The following CAND2 variants were observed in gnomAD, a reference collection of about 807,000 sequenced individuals.
CAND2 encodes the protein cullin associated and neddylation dissociated 2 (putative).
Under a neutral mutation model 98.9 loss-of-function variants are expected in CAND2, and 62 were observed. The observed-to-expected ratio is 0.63, with a 90% confidence interval of 0.51 to 0.77. The LOEUF is 0.77. Among genes scored for constraint, CAND2 ranks in the 30% least tolerant of loss-of-function variants. CAND2 has a pLI of 0.00. For missense variants in CAND2, 1,501 were observed against 1,655.2 expected (o/e 0.91, Z 1.62); for synonymous variants, 770 against 731.9 (o/e 1.05, Z -0.84).
intron 12 of CAND2, among the ~76,000 whole-genome samples, chr3:12,825,936 C>T (rs966395662): frequency 2.0e-5 from 3 of 152,212 alleles, no homozygotes; most frequent in Non-Finnish European, 2.9e-5. Context: ...ACACAGCCAG[C>T]GCTCAGTAAA....
chr3:12,804,773 C>T (rs1467013127), intron 2 of CAND2, among the ~76,000 whole-genome samples: 1 of 152,164 alleles, frequency 6.6e-6, no homozygotes, highest in Non-Finnish European at 1.5e-5. Flanking sequence ...GAATTGGGCA[C>T]TGTCTCTCAA....
chr3:12,810,507 G>A (rs2061843993), intron 5 of CAND2, among the ~76,000 whole-genome samples, 183 bp downstream of exon 5: 1 of 152,154 alleles, frequency 6.6e-6, no homozygotes, highest in African/African-American at 2.4e-5. Flanking sequence ...CCTGGGGCGG[G>A]CGGCTGAAGC....
intron 4 of CAND2, among the ~76,000 whole-genome samples, chr3:12,809,231 G>A (rs573684682): frequency 2.4e-4 from 36 of 152,150 alleles, no homozygotes; most frequent in Non-Finnish European, 3.4e-4. Flanking sequence ...CAGCAGGTGT[G>A]TGGGGAGGAA....
Position 12,815,080 on chromosome 3 carries a change from C to T in CAND2, c.1007-61C>T, listed in dbSNP as rs907080744. Reference sequence around the variant, plus strand: ...TCTCTCTCCTCCCTGTCCCTTCTCCCCCGAGCCACAGACCTGTCCTGGGAG... The same window carrying T: ...TCTCTCTCCTCCCTGTCCCTTCTCCTCCGAGCCACAGACCTGTCCTGGGAG... On this transcript the variant is annotated intron_variant, in intron 7 of 14. Transcript: ENST00000456430. The surrounding 1 kb of genome is among the most constrained non-coding windows in gnomAD (Gnocchi z 5.7). 34 of 1,534,984 alleles carry T rather than the reference C, an allele frequency of 2.2e-5. 1 individual carries two copies. The South Asian group carries it at 3.0e-4, about 13-fold the overall frequency.
intron 5 of CAND2, among the ~76,000 whole-genome samples, chr3:12,811,051 C>G (rs1346302908): frequency 6.6e-6 from 1 of 151,672 alleles, no homozygotes; most frequent in Non-Finnish European, 1.5e-5. Context: ...TTGGATAGAA[C>G]TGGCATATGG....
At chr3:12,808,581 TGTTGGGAACATGGG>T (rs545088558) in intron 4 of CAND2, among the ~76,000 whole-genome samples, 4 of 152,320 alleles carry the variant, frequency 2.6e-5, no homozygotes, top group African/African-American at 7.2e-5. Context: ...GCTGGCCTAG[TGTTGGGAACATGGG>T]GTTAGATCAG....
rs1200388302 is a variant in CAND2, at chr3:12,813,496, C to T, written c.1006+108C>T. The T allele has an allele frequency of 3.5e-6, 4 of 1,131,538 alleles. No individual in the cohort carries two copies. In the African/African-American group the frequency reaches 6.2e-5, roughly 18 times the overall value. 70.1% of individuals were successfully genotyped at this position (1,131,538 alleles called of 1,614,324 possible). Reference sequence around the variant, plus strand: ...ACATTTGGTGCCCCTGTCCTGATGCCAGCTCTTTCTCAAGCTCCAGTCCCA... The same window carrying T: ...ACATTTGGTGCCCCTGTCCTGATGCTAGCTCTTTCTCAAGCTCCAGTCCCA... On this transcript the variant is annotated intron_variant, in intron 7 of 14. Transcript: ENST00000456430.
At chr3:12,827,697 C>G in intron 13 of CAND2, 93 bp downstream of exon 13, 12 of 1,179,490 alleles carry the variant, frequency 1.0e-5, no homozygotes, top group Non-Finnish European at 1.4e-5. Context: ...TTGCTCCCTA[C>G]TCCAGGCACC....
At position 12,816,598 on chromosome 3, in the gene CAND2, C is replaced by T. The variant is rs2061904960; in HGVS notation, c.1666C>T (p.His556Tyr). Residue 556 changes from histidine (H) to tyrosine (Y), a missense_variant, in exon 10 of 15, where the codon CAC becomes TAC. His to Tyr is a moderately conservative substitution (Grantham distance 83). Transcript: ENST00000456430. ...QELVRALWPL[H>Y]RPRMLDPEPY... is the part of the protein sequence containing the mutation. ...GCTGGTGCGGGCCCTGTGGCCGCTG[C>T]ACAGGCCTCGGATGCTGGATCCTGA... The T allele has an allele frequency of 6.2e-7, 1 of 1,613,802 alleles. No homozygotes were observed. Among genetic ancestry groups the T allele is most frequent in the Non-Finnish European group, 8.5e-7 (1 of 1,180,040 alleles).
chr3:12,808,823 G>C (rs1284843547), intron 4 of CAND2, among the ~76,000 whole-genome samples: 4 of 152,160 alleles, frequency 2.6e-5, no homozygotes, highest in African/African-American at 4.8e-5. Flanking sequence ...GATGCTGGAG[G>C]GGAGACTGTC....
chr3:12,829,651 T>C (rs1253127456), intron 13 of CAND2, among the ~76,000 whole-genome samples: 1 of 152,208 alleles, frequency 6.6e-6, no homozygotes, highest in Non-Finnish European at 1.5e-5. Flanking sequence ...CTTGGGATGA[T>C]GCACATAGAC....
chr3:12,826,522 G>T (rs983797452), intron 12 of CAND2, among the ~76,000 whole-genome samples: 4 of 151,992 alleles, frequency 2.6e-5, no homozygotes, highest in Non-Finnish European at 4.4e-5. Flanking sequence ...CGACCTCCTG[G>T]GCTCAAGCGA....
chr3:12,799,524 G>T (rs1442754330), intron 1 of CAND2, among the ~76,000 whole-genome samples: 1 of 152,114 alleles, frequency 6.6e-6, no homozygotes, highest in Admixed American at 6.5e-5. Context: ...TGTCTGAAAT[G>T]CTGAGGCATA....
chr3:12,817,597 G>A lies in CAND2; in HGVS notation c.2665G>A (p.Gly889Ser). 1 of 1,613,858 alleles carries A rather than the reference G, an allele frequency of 6.2e-7. No homozygotes were observed. Among genetic ancestry groups the A allele is most frequent in the East Asian group, 2.2e-5 (1 of 44,882 alleles). Residue 889 changes from glycine (G) to serine (S), a missense_variant, in exon 10 of 15, where the codon GGT (glycine) becomes AGT (serine). By Grantham distance (56) the Gly-to-Ser change is moderately conservative. Coordinates refer to ENST00000456430, the MANE Select transcript of CAND2 (RefSeq NM_001162499.2). Reference protein sequence around the residue: ...AAASYALGRVGAGSLPDFLPF... With the variant: ...AAASYALGRVSAGSLPDFLPF... ...AGCCTCGTATGCACTGGGCCGTGTG[G>A]GTGCTGGCAGCCTGCCCGACTTCCT...
Position 12,813,885 on chromosome 3 carries a change from T to A in CAND2, c.1006+497T>A, listed in dbSNP as rs563432335. Among the ~76,000 whole-genome samples, 9 of 152,290 alleles carry A rather than the reference T, an allele frequency of 5.9e-5. No individual in the cohort carries two copies. In the South Asian group the frequency reaches 1.9e-3, roughly 32 times the overall value. The stretch of plus-strand genomic sequence containing the variant: ...ATGGGGGTGGACTTGATAGCTTCTT[T>A]CCTCCTATGCCTGTGGTCCTGTCTG... On this transcript the variant is annotated intron_variant, in intron 7 of 14. Transcript: ENST00000456430.
chr3:12,817,902 A>G, intron 10 of CAND2, 26 bp downstream of exon 10: 2 of 1,484,192 alleles, frequency 1.3e-6, no homozygotes, highest in Non-Finnish European at 1.8e-6. Flanking sequence ...TGGGCAAGGC[A>G]GCCCACCTCG....
chr3:12,828,521 T>C (rs1480823506), intron 13 of CAND2, among the ~76,000 whole-genome samples: 2 of 152,058 alleles, frequency 1.3e-5, no homozygotes, highest in East Asian at 3.8e-4. Flanking sequence ...TTTGTATTTT[T>C]AGTAGAGACG....
At chr3:12,820,390 A>G (rs2061947627) in intron 11 of CAND2, among the ~76,000 whole-genome samples, 2 of 152,218 alleles carry the variant, frequency 1.3e-5, no homozygotes, top group Non-Finnish European at 2.9e-5. Context: ...TGGGTGTGGC[A>G]TGCCCATCAC....
chr3:12,810,087 G>A lies in CAND2; in HGVS notation c.520G>A (p.Ala174Thr). 6.9e-7 allele frequency: 1 copy of A among 1,449,158 alleles called. No individual in the cohort carries two copies. Among genetic ancestry groups the A allele is most frequent in the Non-Finnish European group, 9.1e-7 (1 of 1,101,298 alleles). 89.8% of individuals were successfully genotyped at this position (1,449,158 alleles called of 1,614,324 possible). Residue 174 changes from alanine (A) to threonine (T), a missense_variant, in exon 5 of 15, where the codon GCC (alanine) becomes ACC (threonine). Physicochemically the swap from Ala to Thr is moderately conservative, Grantham distance 58 (BLOSUM62 0). Around this residue, in one of 3 missense-constraint regions of CAND2, gnomAD observed 1,427 missense variants for 1,545.3 expected, o/e 0.92. Transcript: ENST00000456430. ...GGGTGTCCCGCTGGGCGCCTTCCAC[G>A]CCAGCCTCCTGCACTGTCTGCTGCC... ...RLGVPLGAFH[A>T]SLLHCLLPQL...
Sources: allele counts gnomAD v4.1 joint callset (sites outside exome capture counted in the v4.1 genomes callset), GRCh38; gene constraint gnomAD v4.1.1; regional missense constraint gnomAD v4.1.1; non-coding constraint Gnocchi (gnomAD v3.1); transcripts MANE v1.5; gene names NCBI Gene and HGNC (gene_info 2026-07-23, HGNC 2026-07-21).